Variants in PLCG2 observed in about 807,000 individuals in gnomAD.
PLCG2 encodes the protein phospholipase C gamma 2.
Under a neutral mutation model 175.6 loss-of-function variants are expected in PLCG2, and 69 were observed. The observed-to-expected ratio is 0.39, with a 90% CI of 0.32 to 0.48. PLCG2 has a LOEUF of 0.48. Among genes scored for constraint, PLCG2 ranks in the 20% least tolerant of loss-of-function variants. The pLI is 0.91. For synonymous variants in PLCG2, 827 were observed against 624.0 expected (o/e 1.33, Z -4.85); for missense variants, 1,798 against 1,650.9 (o/e 1.09, Z -1.54).
Position 81,927,071 on chromosome 16 carries a change from T to G in PLCG2, c.2418-11T>G. ...GGTGACAGCGCCCCCATGTCCTCTC[T>G]TCTTATCCAGGTGGAAAGGAGACTA... On this transcript the variant is annotated splice_polypyrimidine_tract_variant and intron_variant, in intron 22 of 32. Transcript: ENST00000564138. The G allele has an allele frequency of 3.1e-6, 5 of 1,597,794 alleles. No homozygotes were observed. The highest frequency in any genetic ancestry group is 4.3e-6 in the Non-Finnish European group (5 of 1,165,006).
rs1911992488 is a variant in PLCG2 at position 81,805,785 on chromosome 16, T to TTTG, written c.193+19605_193+19606insGTT. 2.7e-5 allele frequency among the ~76,000 whole-genome samples: 3 copies of TTTG among 112,312 alleles called. No homozygotes were observed. In the East Asian group the frequency reaches 1.3e-3, roughly 50 times the overall value. The allele number at this position is 112,312 out of a possible 152,430, so 73.7% of individuals were successfully genotyped here. A position where few individuals can be genotyped will look rare whatever the true frequency, so the allele number is the denominator to read the frequency against. On this transcript the variant is annotated intron_variant, in intron 2 of 32. Transcript: ENST00000564138. ...TTGTTTTGTTTTTTTTTTTTTTTGT[T>TTTG]TTTTTTTTTTTTTGCTGTTATTGTT...
intron 1 of PLCG2, among the ~76,000 whole-genome samples, chr16:81,751,378 A>G (rs556995107): frequency 6.6e-6 from 1 of 152,326 alleles, no homozygotes; most frequent in Non-Finnish European, 1.5e-5. Context: ...CAGGCCCAGA[A>G]AGACAAGTGT....
At chr16:81,909,109 C>T (rs1276121397) in intron 17 of PLCG2, among the ~76,000 whole-genome samples, 12 of 152,362 alleles carry the variant, frequency 7.9e-5, no homozygotes, top group South Asian at 2.1e-4. Context: ...TTCTTGAGGG[C>T]GTGCCCTGTG....
At chr16:81,941,514 G>T (rs1396724300) in intron 30 of PLCG2, among the ~76,000 whole-genome samples, 1 of 151,820 alleles carries the variant, frequency 6.6e-6, no homozygotes, top group Non-Finnish European at 1.5e-5. Context: ...GAATTCCTTA[G>T]CAAGTTACTA....
chr16:81,821,186 G>T (rs573191879), intron 2 of PLCG2, among the ~76,000 whole-genome samples: 4 of 152,338 alleles, frequency 2.6e-5, no homozygotes, highest in East Asian at 3.9e-4. Flanking sequence ...GTGAGCCGCC[G>T]TGCCTGGCCA....
chr16:81,835,466 C>T (rs530069184), intron 2 of PLCG2, among the ~76,000 whole-genome samples: 3 of 152,164 alleles, frequency 2.0e-5, no homozygotes, highest in Non-Finnish European at 4.4e-5. Flanking sequence ...TGTGGTGACA[C>T]TACTTGGGAG....
chr16:81,902,667 C>A (rs150640292), intron 14 of PLCG2, among the ~76,000 whole-genome samples: 1 of 152,078 alleles, frequency 6.6e-6, no homozygotes, highest in East Asian at 1.9e-4. Flanking sequence ...TACCCTCATT[C>A]CCGTTCATGA....
chr16:81,936,385 G>GC lies in PLCG2; in HGVS notation c.3052+9dup, dbSNP rs1336700990. ...CTCAATTTCCAGACGGCAGGTAAAG[G>GC]CCGACTGAAGGTAGTCCCGTCCCTG... On this transcript the variant is annotated splice_region_variant and intron_variant, in intron 27 of 32. Transcript: ENST00000564138. The GC allele has an allele frequency of 1.9e-6, 3 of 1,612,010 alleles. No individual in the cohort carries two copies. The African/African-American group carries it at 4.0e-5, about 22-fold the overall frequency.
At chr16:81,915,698 G>T (rs554641423) in intron 19 of PLCG2, among the ~76,000 whole-genome samples, 14 of 152,202 alleles carry the variant, frequency 9.2e-5, no homozygotes, top group Non-Finnish European at 1.6e-4. Context: ...GTGGATCCCC[G>T]ATGCTGTGGA....
chr16:81,894,508 C>G (rs1056673169), intron 12 of PLCG2, among the ~76,000 whole-genome samples: 1 of 152,210 alleles, frequency 6.6e-6, no homozygotes, highest in African/African-American at 2.4e-5. Context: ...CCTTCCTTCT[C>G]ATAGCCTCTC....
chr16:81,889,764 C>T (rs1285992468), intron 10 of PLCG2, among the ~76,000 whole-genome samples: 3 of 152,130 alleles, frequency 2.0e-5, no homozygotes, highest in East Asian at 1.9e-4. Context: ...AAGTGATTCT[C>T]GTGCCTCAGC....
intron 1 of PLCG2, among the ~76,000 whole-genome samples, chr16:81,741,343 T>G (rs1227605841): frequency 6.6e-6 from 1 of 152,210 alleles, no homozygotes; most frequent in African/African-American, 2.4e-5. Flanking sequence ...AGCCAGGAAG[T>G]AGAATCGCTT....
chr16:81,935,542 A>G (rs1910671837), intron 26 of PLCG2: 1 of 985,182 alleles, frequency 1.0e-6, no homozygotes, highest in Admixed American at 6.2e-5. Context: ...CTTAGAACAG[A>G]AGACCAGCCA....
chr16:81,804,014 A>T (rs1911880539), intron 2 of PLCG2, among the ~76,000 whole-genome samples: 2 of 152,198 alleles, frequency 1.3e-5, no homozygotes, highest in African/African-American at 2.4e-5. Flanking sequence ...ACTGCGGTGG[A>T]CATTCATGTA....
chr16:81,938,914 G>GAGTA lies in PLCG2; in HGVS notation c.3313+3_3313+6dup, dbSNP rs1435372531. On this transcript the variant is annotated frameshift_variant and splice_region_variant, in exon 29 of 33. Transcript: ENST00000564138. LOFTEE classifies it high-confidence loss of function. Reference sequence around the variant, plus strand: ...ACAACAAGTTCAAGACGACGGTTGTGAGTAAGTCAGTCACCTTGGCCCCTC... The same window carrying GAGTA: ...ACAACAAGTTCAAGACGACGGTTGTGAGTAAGTAAGTCAGTCACCTTGGCCCCTC... The GAGTA allele has an allele frequency of 1.3e-6, 2 of 1,576,628 alleles. No individual in the cohort carries two copies. The highest frequency in any genetic ancestry group is 1.3e-5 in the African/African-American group (1 of 74,134).
At chr16:81,892,826 A>G (rs985189687) in intron 11 of PLCG2, among the ~76,000 whole-genome samples, 1 of 148,770 alleles carries the variant, frequency 6.7e-6, no homozygotes, top group African/African-American at 2.5e-5. Flanking sequence ...CTCTGACAGA[A>G]CCTAGTGTGA....
At position 81,854,451 on chromosome 16, in the gene PLCG2, C is replaced by G; in HGVS notation, c.201C>G (p.Ile67Met). The G allele has an allele frequency of 6.2e-7, 1 of 1,613,898 alleles. No homozygotes were observed. Among genetic ancestry groups the G allele is most frequent in the Non-Finnish European group, 8.5e-7 (1 of 1,179,818 alleles). Reference protein sequence around the residue: ...TADKIEGFLDIMEIKEIRPGK... With the variant: ...TADKIEGFLDMMEIKEIRPGK... ...ATGTTAATTTCATTTTAGTGGATAT[C>G]ATGGAAATAAAAGAAATCCGCCCAG... Residue 67 changes from isoleucine to methionine, a missense_variant, in exon 3 of 33, where the codon ATC (isoleucine) becomes ATG (methionine). By Grantham distance (10) the Ile-to-Met change is conservative. Transcript: ENST00000564138.
At chr16:81,921,538 A>C (rs1160331524) in intron 21 of PLCG2, 1 of 458,604 alleles carries the variant, frequency 2.2e-6, no homozygotes, top group Non-Finnish European at 4.0e-6. Flanking sequence ...ATGGCTTCTA[A>C]TGAAAAGTCT....
chr16:81,835,746 A>G (rs1404970059), intron 2 of PLCG2, among the ~76,000 whole-genome samples: 2 of 152,178 alleles, frequency 1.3e-5, no homozygotes, highest in Non-Finnish European at 2.9e-5. Flanking sequence ...GGAGCTTAGA[A>G]GTCTGAAATC....
Sources: gnomAD v4.1 joint callset for allele counts (sites outside exome capture counted in the v4.1 genomes callset) on GRCh38, gnomAD v4.1.1 for gene constraint, MANE v1.5 for transcripts, NCBI Gene and HGNC (gene_info 2026-07-23, HGNC 2026-07-21) for gene names.